Variants in GPR139 observed in about 807,000 individuals in gnomAD.
The protein encoded by GPR139 is probable G protein-coupled receptor 139.
GPR139 carries 12 observed loss-of-function variants against 25.8 expected under a neutral mutation model. The observed-to-expected ratio is 0.47, with a 90% confidence interval of 0.30 to 0.75. The LOEUF (loss-of-function observed/expected upper bound fraction) is 0.75. GPR139 is among the 30% of genes least tolerant of loss of function. GPR139 has a pLI of 0.07. For synonymous variants in GPR139, 184 were observed against 179.9 expected (o/e 1.02, Z -0.18); for missense variants, 380 against 450.2 (o/e 0.84, Z 1.41).
intron 1 of GPR139, among the ~76,000 whole-genome samples, chr16:20,040,613 A>G (rs970682402): frequency 2.0e-5 from 3 of 152,130 alleles, no homozygotes; most frequent in Non-Finnish European, 4.4e-5. Flanking sequence ...TAAATTCCCA[A>G]AAGTAGAAAT....
chr16:20,038,343 G>A (rs902987448), intron 1 of GPR139, among the ~76,000 whole-genome samples: 1 of 105,090 alleles, frequency 9.5e-6, no homozygotes, highest in Non-Finnish European at 2.1e-5. Context: ...GTGTGTGTGT[G>A]TGTGTGTGTG....
At chr16:20,071,353 T>C (rs948369091) in intron 1 of GPR139, among the ~76,000 whole-genome samples, 1 of 152,206 alleles carries the variant, frequency 6.6e-6, no homozygotes, top group African/African-American at 2.4e-5. Context: ...ACCAAGACTT[T>C]TGGATAAGCC....
At chr16:20,037,041 G>A (rs186644075) in intron 1 of GPR139, among the ~76,000 whole-genome samples, 5 of 152,110 alleles carry the variant, frequency 3.3e-5, no homozygotes, top group Admixed American at 2.6e-4. Context: ...AAACAGACAC[G>A]CAAATGCACA....
Position 20,073,586 on chromosome 16 carries a change from T to A in GPR139, c.31A>T (p.Asn11Tyr). ...GGGGACCACCAAGACAGCGAGCTGT[T>A]GGCTGCGAGGTGGGCGTGCGTGTGC... MEHTHAHLAA[N>Y]SSLSWWSPGS... Residue 11 changes from asparagine (N) to tyrosine (Y), a missense_variant, in exon 1 of 2, where the codon AAC (asparagine) becomes TAC (tyrosine). Asn to Tyr is a moderately radical substitution (Grantham distance 143). Transcript: ENST00000570682. The surrounding 1 kb of genome is among the most constrained non-coding windows in gnomAD (Gnocchi z 4.7). 1 of 1,610,622 alleles carries A rather than the reference T, an allele frequency of 6.2e-7. No homozygotes were observed. The highest frequency in any genetic ancestry group is 8.5e-7 in the Non-Finnish European group (1 of 1,178,866).
intron 1 of GPR139, among the ~76,000 whole-genome samples, chr16:20,036,544 C>T (rs1197047303): frequency 1.3e-5 from 2 of 152,200 alleles, no homozygotes; most frequent in Non-Finnish European, 2.9e-5. Flanking sequence ...AGCAAAGTCA[C>T]GTCTTACATG....
At chr16:20,066,385 A>G (rs1277821162) in intron 1 of GPR139, among the ~76,000 whole-genome samples, 2 of 152,194 alleles carry the variant, frequency 1.3e-5, no homozygotes, top group Non-Finnish European at 2.9e-5. Flanking sequence ...CTGCACTGAT[A>G]TTATTTCTAG....
chr16:20,050,127 T>A (rs1017419615), intron 1 of GPR139, among the ~76,000 whole-genome samples: 8 of 152,124 alleles, frequency 5.3e-5, no homozygotes, highest in Admixed American at 3.3e-4. Context: ...CATGAAGGAA[T>A]AAGACAGTAA....
At chr16:20,046,536 T>C (rs542659739) in intron 1 of GPR139, among the ~76,000 whole-genome samples, 1 of 152,316 alleles carries the variant, frequency 6.6e-6, no homozygotes, top group South Asian at 2.1e-4. Flanking sequence ...TTTCACCCTC[T>C]AGTCAGGGAG....
intron 1 of GPR139, among the ~76,000 whole-genome samples, chr16:20,071,328 C>A (rs1474534858): frequency 2.0e-5 from 3 of 152,176 alleles, no homozygotes; most frequent in Non-Finnish European, 4.4e-5. Flanking sequence ...GGGCTGTTAA[C>A]AAAACTGCTA....
At position 20,029,860 on chromosome 16, in the gene GPR139, A is replaced by AGCAAC. The variant is rs1404553089; in HGVS notation, c.*1870_*1874dup. Among the ~76,000 whole-genome samples, 5 of 152,198 alleles carry AGCAAC rather than the reference A, an allele frequency of 3.3e-5. No homozygotes were observed. Among genetic ancestry groups the AGCAAC allele is most frequent in the Non-Finnish European group, 7.3e-5 (5 of 68,044 alleles). ...CTGTCTTGTCATCAACCAGAGAAAC[A>AGCAAC]GCAACTTGTTCCAATGCTAGAGAAA... On this transcript the variant is annotated 3_prime_UTR_variant, in exon 2 of 2. Coordinates refer to ENST00000570682, the MANE Select transcript of GPR139 (RefSeq NM_001002911.4).
intron 1 of GPR139, among the ~76,000 whole-genome samples, chr16:20,071,800 A>G (rs1044343602): frequency 3.6e-4 from 54 of 151,998 alleles, no homozygotes; most frequent in African/African-American, 1.3e-3. Context: ...TGAACTCTTG[A>G]AGGGTCAACC....
intron 1 of GPR139, among the ~76,000 whole-genome samples, chr16:20,054,711 C>T (rs1472443581): frequency 6.6e-6 from 1 of 151,336 alleles, no homozygotes; most frequent in African/African-American, 2.4e-5. Context: ...TTCCTTCCTC[C>T]CTCTTCCTTT....
At chr16:20,047,838 T>C (rs1336361681) in intron 1 of GPR139, among the ~76,000 whole-genome samples, 1 of 152,236 alleles carries the variant, frequency 6.6e-6, no homozygotes, top group Non-Finnish European at 1.5e-5. Context: ...TTAACCTCTC[T>C]GGGCCTTCAG....
At chr16:20,071,016 A>G in intron 1 of GPR139, 1 of 985,328 alleles carries the variant, frequency 1.0e-6, no homozygotes, top group Non-Finnish European at 1.2e-6. Flanking sequence ...GATCGGCTTC[A>G]TGATATCTAT....
chr16:20,039,045 T>C lies in GPR139; in HGVS notation c.128-6376A>G, dbSNP rs2141202875. 2.0e-5 allele frequency among the ~76,000 whole-genome samples: 3 copies of C among 152,274 alleles called. 1 individual carries two copies. The Middle Eastern group carries it at 0.01, about 518-fold the overall frequency. ...GCCCCGCCGAACTTCACCACCAAAA[T>C]GTCAATGCTTCTGAAAAGCAAATCC... is the stretch of plus-strand genomic sequence containing the variant. On this transcript the variant is annotated intron_variant, in intron 1 of 1. Coordinates refer to ENST00000570682, the MANE Select transcript of GPR139 (RefSeq NM_001002911.4).
chr16:20,065,829 C>T (rs945966552), intron 1 of GPR139, among the ~76,000 whole-genome samples: 5 of 150,010 alleles, frequency 3.3e-5, no homozygotes, highest in Admixed American at 2.0e-4. Context: ...GCTGAAATCG[C>T]GCCACTGCAC....
At chr16:20,037,640 G>A (rs1349775771) in intron 1 of GPR139, among the ~76,000 whole-genome samples, 1 of 152,090 alleles carries the variant, frequency 6.6e-6, no homozygotes, top group Non-Finnish European at 1.5e-5. Context: ...AGGAAACCAA[G>A]GCTTGGATTT....
intron 1 of GPR139, among the ~76,000 whole-genome samples, chr16:20,067,492 G>A (rs1925522): frequency 0.024 from 3,720 of 152,230 alleles, 137 homozygotes; most frequent in African/African-American, 0.081. Flanking sequence ...AATTAGGCAC[G>A]CCATTAGAGA....
At chr16:20,055,422 C>T (rs572531301) in intron 1 of GPR139, among the ~76,000 whole-genome samples, 28 of 152,306 alleles carry the variant, frequency 1.8e-4, no homozygotes, top group Admixed American at 5.2e-4. Context: ...GGTCCCCAGA[C>T]AGCTCTACAT....
Sources: gnomAD v4.1 joint callset for allele counts (sites outside exome capture counted in the v4.1 genomes callset) on GRCh38, gnomAD v4.1.1 for gene constraint, Gnocchi (gnomAD v3.1) non-coding constraint, MANE v1.5 for transcripts, NCBI Gene and HGNC (gene_info 2026-07-23, HGNC 2026-07-21) for gene names.